Variants in VAV2 observed in about 807,000 individuals in gnomAD.
The protein encoded by VAV2 is vav guanine nucleotide exchange factor 2.
A neutral mutation model predicts 132.5 loss-of-function variants in VAV2; 67 were observed. That is an observed-to-expected ratio of 0.51 (90% CI 0.42 to 0.62). The LOEUF (loss-of-function observed/expected upper bound fraction) is 0.62, where lower values mean the gene tolerates loss of function less well. Ranked by LOEUF, VAV2 falls within the 20% of genes least tolerant of loss-of-function variation. The pLI, the probability that VAV2 is intolerant of heterozygous loss-of-function variation, is 0.00. For missense variants in VAV2, 938 were observed against 1,153.6 expected (o/e 0.81, Z 2.71); for synonymous variants, 492 against 443.5 (o/e 1.11, Z -1.37).
chr9:133,910,110 C>T (rs1371902662), intron 2 of VAV2, among the ~76,000 whole-genome samples: 3 of 152,180 alleles, frequency 2.0e-5, no homozygotes, highest in African/African-American at 7.2e-5. Context: ...CAGCTTCCCC[C>T]ACCCCAGCCC....
At position 133,784,430 on chromosome 9, in the gene VAV2, G is replaced by A. The variant is rs1834137848; in HGVS notation, c.1533-12C>T. On this transcript the variant is annotated splice_polypyrimidine_tract_variant and intron_variant, in intron 17 of 29. Transcript: ENST00000371850. ...GCTTGATGTTTGACCTGGCAGGAGG[G>A]AAAGAGAGCAGATGCTACACCCACT... 3 of 1,613,894 alleles carry A rather than the reference G, an allele frequency of 1.9e-6. No individual in the cohort carries two copies. The highest frequency in any genetic ancestry group is 2.5e-6 in the Non-Finnish European group (3 of 1,179,762).
chr9:133,790,389 T>C (rs1834405793), intron 13 of VAV2, among the ~76,000 whole-genome samples: 2 of 152,136 alleles, frequency 1.3e-5, no homozygotes, highest in Admixed American at 6.5e-5. Context: ...ATTTGCCAGG[T>C]TGGTCTCGAA....
At chr9:133,771,027 G>C (rs1833601674) in intron 26 of VAV2, among the ~76,000 whole-genome samples, 1 of 138,142 alleles carries the variant, frequency 7.2e-6, no homozygotes, top group Admixed American at 7.1e-5. Context: ...TTCCGCTTTT[G>C]TTTTTTTGGA....
At position 133,794,262 on chromosome 9, in the gene VAV2, G is replaced by A. The variant is rs531656139; in HGVS notation, c.1101+1406C>T. Among the ~76,000 whole-genome samples the A allele has an allele frequency of 3.3e-5, 5 of 152,096 alleles. No homozygotes were observed. Among genetic ancestry groups the A allele is most frequent in the Non-Finnish European group, 5.9e-5 (4 of 68,008 alleles). ...GTTGGAGAGGGGCGGCTTGGGGGCT[G>A]CAGAGCTGACACCGAGAAAGTTCTG... is the stretch of plus-strand genomic sequence containing the variant. On this transcript the variant is annotated intron_variant, in intron 12 of 29. Transcript: ENST00000371850. This position sits in a 1 kb window ranked among gnomAD's most constrained non-coding sequence, Gnocchi z 4.6.
chr9:133,881,373 T>G (rs1838490643), intron 2 of VAV2, among the ~76,000 whole-genome samples: 1 of 152,142 alleles, frequency 6.6e-6, no homozygotes, highest in African/African-American at 2.4e-5. Flanking sequence ...TGAACAGGAC[T>G]GAGAAGGAGG....
chr9:133,869,719 A>C (rs1837953030), intron 2 of VAV2, among the ~76,000 whole-genome samples: 1 of 152,186 alleles, frequency 6.6e-6, no homozygotes, highest in Non-Finnish European at 1.5e-5. Flanking sequence ...CGATCAGAAG[A>C]GCTTTCTGGC....
intron 13 of VAV2, 80 bp from the exon 14 acceptor site, chr9:133,789,423 G>A (rs761233623): frequency 1.3e-4 from 176 of 1,401,526 alleles, no homozygotes; most frequent in Non-Finnish European, 1.6e-4. Context: ...GCAGACTGTC[G>A]TGCACCCAAG....
chr9:133,938,311 A>T (rs915421717), intron 2 of VAV2, among the ~76,000 whole-genome samples: 9 of 152,208 alleles, frequency 5.9e-5, no homozygotes, highest in African/African-American at 2.2e-4. Flanking sequence ...TCCAGCCCCG[A>T]ATCCATCAGG....
intron 29 of VAV2, 78 bp from the exon 30 acceptor site, chr9:133,764,187 A>C (rs2131553402): frequency 6.3e-7 from 1 of 1,579,572 alleles, no homozygotes; most frequent in East Asian, 2.3e-5. Context: ...TGTTGGGGTG[A>C]GGGCAAGTAG....
chr9:133,825,875 C>T (rs1236434685), intron 4 of VAV2, among the ~76,000 whole-genome samples: 1 of 152,234 alleles, frequency 6.6e-6, no homozygotes, highest in Admixed American at 6.5e-5. Flanking sequence ...ACGTCCAAAC[C>T]TCCTCGACAC....
At chr9:133,785,189 G>A (rs552699719) in intron 17 of VAV2, among the ~76,000 whole-genome samples, 2 of 152,256 alleles carry the variant, frequency 1.3e-5, no homozygotes, top group African/African-American at 2.4e-5. Context: ...CAGAAGAAAC[G>A]GTCAGAGAGG....
chr9:133,977,321 ATTTC>A (rs1291288864), intron 1 of VAV2, among the ~76,000 whole-genome samples: 2 of 152,162 alleles, frequency 1.3e-5, no homozygotes, highest in Non-Finnish European at 2.9e-5. Flanking sequence ...CTGCGGGATC[ATTTC>A]TCTCTCCCGT....
Position 133,788,721 on chromosome 9 carries a change from G to C in VAV2, c.1275-235C>G, listed in dbSNP as rs1026436414. On this transcript the variant is annotated intron_variant, in intron 14 of 29. Transcript: ENST00000371850. The surrounding 1 kb of genome is among the most constrained non-coding windows in gnomAD (Gnocchi z 5.3). ...ACCCCCGTGACTGAGGCTGTGCCAG[G>C]AGCCCTTCAAGGGGCTCCTGCATCC... 6.6e-6 allele frequency among the ~76,000 whole-genome samples: 1 copy of C among 152,068 alleles called. No homozygotes were observed. The highest frequency in any genetic ancestry group is 2.4e-5 in the African/African-American group (1 of 41,410).
At chr9:133,942,138 G>C (rs553669501) in intron 1 of VAV2, among the ~76,000 whole-genome samples, 1 of 152,198 alleles carries the variant, frequency 6.6e-6, no homozygotes, top group East Asian at 1.9e-4. Context: ...TGAGTTTTAC[G>C]TTATGTGTAT....
Position 133,769,328 on chromosome 9 carries a change from GCT to G in VAV2, c.2434+87_2434+88del. 7.3e-7 allele frequency: 1 copy of G among 1,377,764 alleles called. No homozygotes were observed. The highest frequency in any genetic ancestry group is 1.4e-5 in the South Asian group (1 of 73,370). The allele number at this position is 1,377,764 out of a possible 1,614,324, so 85.3% of individuals were successfully genotyped here. ...GACAACTGTGGCCACGTCAGGCAGG[GCT>G]GTGGGGCCAGTGGGCAGCTCCGTGC... On this transcript the variant is annotated intron_variant, in intron 28 of 29. Transcript: ENST00000371850. The surrounding 1 kb of genome is among the most constrained non-coding windows in gnomAD (Gnocchi z 8.1).
Position 133,992,143 on chromosome 9 carries a change from G to C in VAV2, c.136C>G (p.Leu46Val), listed in dbSNP as rs1416764705. 6.3e-7 allele frequency: 1 copy of C among 1,594,974 alleles called. No homozygotes were observed. The highest frequency in any genetic ancestry group is 1.1e-5 in the South Asian group (1 of 89,122). The change falls in exon 1 of 30, where the codon CTG becomes GTG. Residue 46 changes from leucine (L) to valine (V), a missense_variant. By Grantham distance (32) the Leu-to-Val change is conservative. Transcript: ENST00000371850. The surrounding 1 kb of genome is among the most constrained non-coding windows in gnomAD (Gnocchi z 5.5). The stretch of plus-strand genomic sequence containing the variant: ...GAGCCGGGGGAGAGGTTGTGCAGCA[G>C]CTGGCACAGAAGGACCCCGTCGCGC... ...ALRDGVLLCQ[L>V]LHNLSPGSID...
intron 2 of VAV2, among the ~76,000 whole-genome samples, chr9:133,920,277 A>C (rs994253332): frequency 6.6e-6 from 1 of 152,236 alleles, no homozygotes; most frequent in Non-Finnish European, 1.5e-5. Flanking sequence ...AGGGCCACGA[A>C]GCAGCCCTGG....
rs1838562296 is a variant in VAV2, at chr9:133,883,033, G to C, written c.322-21601C>G. 1.3e-5 allele frequency among the ~76,000 whole-genome samples: 2 copies of C among 152,118 alleles called. No individual in the cohort carries two copies. Among genetic ancestry groups the C allele is most frequent in the African/African-American group, 4.8e-5 (2 of 41,436 alleles). On this transcript the variant is annotated intron_variant, in intron 2 of 29. Transcript: ENST00000371850. The surrounding 1 kb of genome is among the most constrained non-coding windows in gnomAD (Gnocchi z 4.2). ...TGGGCCCCACACCCACCCCATGCCA[G>C]GCTTGGCCCCCTAATGGCCCTCTTT... is the stretch of plus-strand genomic sequence containing the variant.
chr9:133,778,736 C>A (rs111610158), intron 22 of VAV2, 26 bp downstream of exon 22: 6 of 1,609,784 alleles, frequency 3.7e-6, no homozygotes, highest in Non-Finnish European at 5.1e-6. Context: ...CGGGGACCCT[C>A]GACCCTCCCG....
Sources: allele counts gnomAD v4.1 joint callset (sites outside exome capture counted in the v4.1 genomes callset), GRCh38; gene constraint gnomAD v4.1.1; non-coding constraint Gnocchi (gnomAD v3.1); transcripts MANE v1.5; gene names NCBI Gene and HGNC (gene_info 2026-07-23, HGNC 2026-07-21).